FANCA: variants seen among roughly 807,000 people sequenced by gnomAD.
The protein encoded by FANCA is Fanconi anemia group A protein.
FANCA carries 236 observed loss-of-function variants against 194.3 expected under a neutral mutation model. That is an observed-to-expected ratio of 1.21 (90% CI 1.09 to 1.35). The LOEUF (loss-of-function observed/expected upper bound fraction) is 1.35. FANCA is among the 40% of genes most tolerant of loss of function. FANCA has a pLI of 0.00. For missense variants in FANCA, 2,628 were observed against 1,813.9 expected (o/e 1.45, Z -8.15); for synonymous variants, 1,014 against 715.8 (o/e 1.42, Z -6.65).
rs2143109700 is a variant in FANCA at position 89,746,894 on chromosome 16, CAA to C, written c.3349-6_3349-5del. On this transcript the variant is annotated splice_polypyrimidine_tract_variant and splice_region_variant and intron_variant, in intron 33 of 42. Transcript: ENST00000389301. ...CTCCGTGGGAGCAGAAGTTTCTCTG[CAA>C]AAGAGTTCAAGGCAGGTAAGAAAAG... The C allele has an allele frequency of 1.3e-6, 2 of 1,554,132 alleles. No individual in the cohort carries two copies. Among genetic ancestry groups the C allele is most frequent in the Non-Finnish European group, 1.7e-6 (2 of 1,148,274 alleles).
chr16:89,796,011 C>T lies in FANCA; in HGVS notation c.901G>A (p.Val301Met), dbSNP rs201134867. Residue 301 changes from valine (V) to methionine (M), a missense_variant, in exon 11 of 43, where the codon GTG becomes ATG. Coordinates refer to ENST00000389301, the MANE Select transcript of FANCA (RefSeq NM_000135.4). Reference sequence around the variant, plus strand: ...CTGCCAAGCGTGTGTCCACTGAACACTCCGAACCTGCCAATGCAGCAGAAA... The same window carrying T: ...CTGCCAAGCGTGTGTCCACTGAACATTCCGAACCTGCCAATGCAGCAGAAA... ...THKIVRCWFG[V>M]FSGHTLGSVI... 6.2e-7 allele frequency: 1 copy of T among 1,613,874 alleles called. No individual in the cohort carries two copies. Among genetic ancestry groups the T allele is most frequent in the Middle Eastern group, 1.7e-4 (1 of 6,060 alleles).
intron 33 of FANCA, among the ~76,000 whole-genome samples, chr16:89,748,218 T>G (rs2038457797): frequency 6.6e-6 from 1 of 152,208 alleles, no homozygotes; most frequent in Admixed American, 6.5e-5. Context: ...CTGGTTAAGA[T>G]CACCCTGCAA....
In FANCA at chr16:89,809,190, G is replaced by A. The variant is rs1241044589; in HGVS notation, c.523-823C>T. On this transcript the variant is annotated intron_variant, in intron 5 of 42. Coordinates refer to ENST00000389301, the MANE Select transcript of FANCA (RefSeq NM_000135.4). ...CAAAGTGCTGGGATTACAGGTGTGAGCCACTGGGCCCGGCCCCTAACTCGC... is the reference window on the plus strand; with the variant it reads ...CAAAGTGCTGGGATTACAGGTGTGAACCACTGGGCCCGGCCCCTAACTCGC... Among the ~76,000 whole-genome samples the A allele has an allele frequency of 2.0e-5, 3 of 151,954 alleles. No individual in the cohort carries two copies. The East Asian group carries it at 5.9e-4, about 30-fold the overall frequency.
chr16:89,770,281 C>G, intron 24 of FANCA, 22 bp from the exon 25 acceptor site: 1 of 1,549,868 alleles, frequency 6.5e-7, no homozygotes, highest in Non-Finnish European at 8.8e-7. Flanking sequence ...GCCGTGAAAC[C>G]ATCAGTACTA....
intron 3 of FANCA, among the ~76,000 whole-genome samples, chr16:89,813,062 T>C: frequency 6.6e-6 from 1 of 151,058 alleles, no homozygotes; most frequent in East Asian, 1.9e-4. Flanking sequence ...TTTACAATAG[T>C]TCTAGAAGCT....
intron 27 of FANCA, 80 bp from the exon 28 acceptor site, chr16:89,765,146 C>T (rs2039083178): frequency 1.3e-6 from 2 of 1,528,258 alleles, no homozygotes; most frequent in East Asian, 2.3e-5. Context: ...CAGGTGGAAA[C>T]AGACCATCAA....
At chr16:89,790,774 T>C (rs1447467806) in intron 14 of FANCA, among the ~76,000 whole-genome samples, 1 of 151,836 alleles carries the variant, frequency 6.6e-6, no homozygotes, top group African/African-American at 2.4e-5. Context: ...AGACATTGTA[T>C]ACTCTGCAAA....
At chr16:89,792,644 C>T in intron 11 of FANCA, 97 bp from the exon 12 acceptor site, 1 of 947,378 alleles carries the variant, frequency 1.1e-6, no homozygotes, top group Admixed American at 1.9e-5. Context: ...GGGTCTCTCC[C>T]CGTGTGCGGC....
Position 89,744,954 on chromosome 16 carries a change from C to T in FANCA, c.3626+5G>A, listed in dbSNP as rs370801038. On this transcript the variant is annotated splice_donor_5th_base_variant and intron_variant, in intron 36 of 42. Transcript: ENST00000389301. ...GGCACACCCCATCTCACCACCCACA[C>T]GTACTCGCTGGCAAACTGCCGGCCT... The T allele has an allele frequency of 1.7e-5, 28 of 1,611,144 alleles. No homozygotes were observed. The highest frequency in any genetic ancestry group is 4.0e-5 in the African/African-American group (3 of 74,934).
At position 89,783,109 on chromosome 16, in the gene FANCA, A is replaced by G. The variant is rs370644164; in HGVS notation, c.1471-7T>C. 4 of 1,606,102 alleles carry G rather than the reference A, an allele frequency of 2.5e-6. No homozygotes were observed. The highest frequency in any genetic ancestry group is 3.4e-6 in the Non-Finnish European group (4 of 1,173,288). On this transcript the variant is annotated splice_region_variant and splice_polypyrimidine_tract_variant and intron_variant, in intron 15 of 42. Coordinates refer to ENST00000389301, the MANE Select transcript of FANCA (RefSeq NM_000135.4). ...GTGGGTGGAGAATGTGCACCTGAGGATAGATAGCAGAGCGCAGCACCGTTA... is the reference window on the plus strand; with the variant it reads ...GTGGGTGGAGAATGTGCACCTGAGGGTAGATAGCAGAGCGCAGCACCGTTA...
Position 89,782,988 on chromosome 16 carries a change from G to T in FANCA, c.1566+19C>A, listed in dbSNP as rs2143460183. 1 of 1,612,192 alleles carries T rather than the reference G, an allele frequency of 6.2e-7. No individual in the cohort carries two copies. ...CTGCTGGGACAGGTGTGAGGAGTGG[G>T]CATGGAGGGACAGCTTGCCTTGAGG... On this transcript the variant is annotated intron_variant, in intron 16 of 42. Transcript: ENST00000389301.
intron 10 of FANCA, 151 bp from the exon 11 acceptor site, chr16:89,796,169 C>T (rs561569056): frequency 1.4e-6 from 1 of 700,708 alleles, no homozygotes; most frequent in African/African-American, 1.8e-5. Context: ...AGACTTGAAA[C>T]TGAATCCAAG....
chr16:89,741,775 C>T (rs575829887), intron 37 of FANCA, among the ~76,000 whole-genome samples: 1 of 152,310 alleles, frequency 6.6e-6, no homozygotes, highest in South Asian at 2.1e-4. Context: ...TCTGAGCTGT[C>T]TCACTGCAAG....
chr16:89,805,153 T>TCATGCCAGGTTCC (rs1172933866), intron 7 of FANCA, 127 bp downstream of exon 7: 1 of 733,560 alleles, frequency 1.4e-6, no homozygotes, highest in African/African-American at 1.7e-5. Flanking sequence ...TGGGAGTCTG[T>TCATGCCAGGTTCC]CATGCCAGGT....
At chr16:89,801,763 C>G (rs1209191347) in intron 8 of FANCA, among the ~76,000 whole-genome samples, 1 of 151,988 alleles carries the variant, frequency 6.6e-6, no homozygotes, top group Non-Finnish European at 1.5e-5. Context: ...TGGTGCATGC[C>G]TGTAATCCCA....
intron 31 of FANCA, 70 bp from the exon 32 acceptor site, chr16:89,749,972 C>T (rs761208999): frequency 8.5e-5 from 132 of 1,552,298 alleles, no homozygotes; most frequent in Non-Finnish European, 1.2e-4. Flanking sequence ...GGGACCCAGA[C>T]GTCAGGGGTC....
rs557565599 is a variant in FANCA, at chr16:89,767,121, T to C, written c.2601+20A>G. 9 of 1,577,558 alleles carry C rather than the reference T, an allele frequency of 5.7e-6. No homozygotes were observed. Among genetic ancestry groups the C allele is most frequent in the South Asian group, 1.1e-5 (1 of 90,346 alleles). ...TGAAACGTATGGCAGAATGGAAAAA[T>C]AGGAAAAGAGTGAACCTACCTTTTT... On this transcript the variant is annotated intron_variant, in intron 27 of 42. Coordinates refer to ENST00000389301, the MANE Select transcript of FANCA (RefSeq NM_000135.4).
At chr16:89,752,356 AAAC>A in intron 30 of FANCA, 134 bp from the exon 31 acceptor site, 1 of 776,464 alleles carries the variant, frequency 1.3e-6, no homozygotes, top group Non-Finnish European at 2.3e-6. Flanking sequence ...AGTCAACAAT[AAAC>A]AACAAAAACT....
rs529211722 is a variant in FANCA at position 89,794,661 on chromosome 16, T to C, written c.1006+1245A>G. Reference sequence around the variant, plus strand: ...ACTCCTGAGCACCTCACAGCACCTGTTGGGAGCCATCTGTGTATCCCTCAT... The same window carrying C: ...ACTCCTGAGCACCTCACAGCACCTGCTGGGAGCCATCTGTGTATCCCTCAT... On this transcript the variant is annotated intron_variant, in intron 11 of 42. Coordinates refer to ENST00000389301, the MANE Select transcript of FANCA (RefSeq NM_000135.4). Among the ~76,000 whole-genome samples, 7 of 152,280 alleles carry C rather than the reference T, an allele frequency of 4.6e-5. 1 individual carries two copies. Among genetic ancestry groups the C allele is most frequent in the Middle Eastern group, 6.8e-3 (2 of 294 alleles).
Sources: allele counts gnomAD v4.1 joint callset (sites outside exome capture counted in the v4.1 genomes callset), GRCh38; gene constraint gnomAD v4.1.1; transcripts MANE v1.5; gene names NCBI Gene and HGNC (gene_info 2026-07-23, HGNC 2026-07-21).